Variants in PRKN observed in about 807,000 individuals in gnomAD.
PRKN encodes the protein E3 ubiquitin-protein ligase parkin.
A neutral mutation model predicts 59.5 loss-of-function variants in PRKN; 56 were observed. The observed-to-expected ratio is 0.94, with a 90% CI of 0.76 to 1.18. The LOEUF (loss-of-function observed/expected upper bound fraction) is 1.18, where lower values mean the gene tolerates loss of function less well. Among genes scored for constraint, PRKN ranks in the 50% most tolerant of loss-of-function variants. The pLI, the probability that PRKN is intolerant of heterozygous loss-of-function variation, is 0.00. For synonymous variants in PRKN, 250 were observed against 222.1 expected, an observed-to-expected ratio of 1.13 and a Z score of -1.12; for missense variants, 657 against 596.4, an observed-to-expected ratio of 1.10 and a Z score of -1.06.
At chr6:162,680,406 T>C (rs187848661) in intron 1 of PRKN, among the ~76,000 whole-genome samples, 8 of 151,454 alleles carry the variant, frequency 5.3e-5, no homozygotes, top group East Asian at 1.9e-4. Context: ...TATATATATG[T>C]ACACACATAC....
chr6:161,482,561 T>C (rs1185089979), intron 9 of PRKN, among the ~76,000 whole-genome samples: 1 of 152,206 alleles, frequency 6.6e-6, no homozygotes, highest in Non-Finnish European at 1.5e-5. Context: ...CTCTACATAA[T>C]TTGGAATGTT....
chr6:161,956,529 G>A (rs550151520), intron 6 of PRKN, among the ~76,000 whole-genome samples: 1 of 151,982 alleles, frequency 6.6e-6, no homozygotes, highest in African/African-American at 2.4e-5. Context: ...GCATTCCACT[G>A]TATTTATGGA....
intron 4 of PRKN, among the ~76,000 whole-genome samples, chr6:162,139,043 C>A (rs566162500): frequency 6.6e-6 from 1 of 152,148 alleles, no homozygotes; most frequent in Admixed American, 6.5e-5. Flanking sequence ...AAGACATGAT[C>A]GATGCCTTCA....
intron 4 of PRKN, among the ~76,000 whole-genome samples, chr6:162,127,130 T>C (rs1174333021): frequency 6.6e-6 from 1 of 152,230 alleles, no homozygotes; most frequent in East Asian, 1.9e-4. Context: ...TCAAGAAATA[T>C]ATTGAAATAA....
At chr6:162,312,022 T>C (rs769458974) in intron 2 of PRKN, among the ~76,000 whole-genome samples, 3 of 152,044 alleles carry the variant, frequency 2.0e-5, no homozygotes, top group Non-Finnish European at 4.4e-5. Flanking sequence ...CATGCATATA[T>C]GTGTGTGTTT....
chr6:161,589,128 C>T (rs920322104), intron 7 of PRKN, among the ~76,000 whole-genome samples: 8 of 152,194 alleles, frequency 5.3e-5, no homozygotes, highest in African/African-American at 1.4e-4. Flanking sequence ...ACATAGTATA[C>T]GGCATGCCGT....
intron 1 of PRKN, among the ~76,000 whole-genome samples, chr6:162,483,381 C>A (rs1792390916): frequency 6.6e-6 from 1 of 151,924 alleles, no homozygotes; most frequent in Non-Finnish European, 1.5e-5. Flanking sequence ...TAGAACTGTG[C>A]ACCAAAAAAG....
chr6:161,832,931 G>A (rs1201434229), intron 6 of PRKN, among the ~76,000 whole-genome samples: 2 of 152,002 alleles, frequency 1.3e-5, no homozygotes, highest in South Asian at 2.1e-4. Context: ...CTGGCTGAGG[G>A]TGGGAGGTGA....
At chr6:162,378,400 CA>C (rs1786239424) in intron 2 of PRKN, among the ~76,000 whole-genome samples, 1 of 152,230 alleles carries the variant, frequency 6.6e-6, no homozygotes, top group South Asian at 2.1e-4. Context: ...CAGCGGCTAC[CA>C]AAAGTACAGT....
chr6:161,527,494 G>A lies in PRKN; in HGVS notation c.1083+21360C>T, dbSNP rs1233000649. The stretch of plus-strand genomic sequence containing the variant: ...GATGCTATGCCCACATGAGGGAGGG[G>A]TGCCTTCTAATTCACAGCAAGATGC... On this transcript the variant is annotated intron_variant, in intron 9 of 11. Coordinates refer to ENST00000366898, the MANE Select transcript of PRKN (RefSeq NM_004562.3). The surrounding 1 kb of genome is among the most constrained non-coding windows in gnomAD (Gnocchi z 4.6). 1.3e-5 allele frequency among the ~76,000 whole-genome samples: 2 copies of A among 152,190 alleles called. No homozygotes were observed. The highest frequency in any genetic ancestry group is 3.9e-4 in the East Asian group (2 of 5,182).
At chr6:162,326,221 TTAAA>T (rs1322565197) in intron 2 of PRKN, among the ~76,000 whole-genome samples, 26 of 152,240 alleles carry the variant, frequency 1.7e-4, no homozygotes, top group African/African-American at 6.0e-4. Context: ...AGAAGACAAA[TTAAA>T]TACACGAATC....
chr6:162,643,126 G>A (rs1049164662), intron 1 of PRKN, among the ~76,000 whole-genome samples: 2 of 152,058 alleles, frequency 1.3e-5, no homozygotes, highest in Non-Finnish European at 2.9e-5. Flanking sequence ...AGCCGGGCGC[G>A]GTGGCTGGCG....
At chr6:162,604,168 C>T (rs1409488090) in intron 1 of PRKN, among the ~76,000 whole-genome samples, 1 of 152,174 alleles carries the variant, frequency 6.6e-6, no homozygotes, top group Admixed American at 6.5e-5. Context: ...TCATGTACTC[C>T]TTGTACATGG....
intron 2 of PRKN, among the ~76,000 whole-genome samples, chr6:162,381,325 A>G (rs1015560197): frequency 1.6e-4 from 25 of 152,160 alleles, no homozygotes; most frequent in Admixed American, 1.4e-3. Context: ...CCCTTTCAGT[A>G]ATGTAAAAAA....
chr6:161,777,906 A>ACG lies in PRKN; in HGVS notation c.871+7865_871+7866insCG, dbSNP rs34016345. ...TATGTATATATATGTATACATATATATGTGTATATATATGTATGTATATCT... is the reference window on the plus strand; with the variant it reads ...TATGTATATATATGTATACATATATACGTGTGTATATATATGTATGTATATCT... On this transcript the variant is annotated intron_variant, in intron 7 of 11. Coordinates refer to ENST00000366898, the MANE Select transcript of PRKN (RefSeq NM_004562.3). 9.6e-3 allele frequency among the ~76,000 whole-genome samples: 1,391 copies of ACG among 144,458 alleles called. 23 individuals are homozygous for ACG. Among genetic ancestry groups the ACG allele is most frequent in the Middle Eastern group, 0.048 (13 of 272 alleles). 94.8% of individuals were successfully genotyped at this position (144,458 alleles called of 152,430 possible). A position where few individuals can be genotyped will look rare whatever the true frequency, so the allele number is the denominator to read the frequency against.
intron 2 of PRKN, among the ~76,000 whole-genome samples, chr6:162,416,029 C>G (rs553929459): frequency 6.6e-6 from 1 of 152,208 alleles, no homozygotes; most frequent in Non-Finnish European, 1.5e-5. Flanking sequence ...TTAAATCAGG[C>G]ATGCCATCTC....
At position 162,158,415 on chromosome 6, in the gene PRKN, C is replaced by CTTGTG. The variant is rs10673194; in HGVS notation, c.534+42715_534+42716insCACAA. Among the ~76,000 whole-genome samples, 940 of 136,964 alleles carry CTTGTG rather than the reference C, an allele frequency of 6.9e-3. 3 individuals carry two copies. Among genetic ancestry groups the CTTGTG allele is most frequent in the Middle Eastern group, 0.023 (6 of 266 alleles). The allele number at this position is 136,964 out of a possible 152,430, so 89.9% of individuals were successfully genotyped here. On this transcript the variant is annotated intron_variant, in intron 4 of 11. Coordinates refer to ENST00000366898, the MANE Select transcript of PRKN (RefSeq NM_004562.3). ...CCAAAGCTTTTTGTTTGTTTGTTTG[C>CTTGTG]GTTTTTTTTTTTTTTTTTCTTTTGG...
intron 2 of PRKN, among the ~76,000 whole-genome samples, chr6:162,376,730 G>A (rs1371760514): frequency 7.0e-6 from 1 of 142,532 alleles, no homozygotes; most frequent in Non-Finnish European, 1.5e-5. Context: ...AAGGGGAGAG[G>A]GAGGGAGTGG....
At chr6:162,369,999 G>A (rs1267445533) in intron 2 of PRKN, among the ~76,000 whole-genome samples, 1 of 152,164 alleles carries the variant, frequency 6.6e-6, no homozygotes, top group African/African-American at 2.4e-5. Context: ...TCAAGAATGA[G>A]TACACATGGC....
Sources: allele counts gnomAD v4.1 joint callset (sites outside exome capture counted in the v4.1 genomes callset), GRCh38; gene constraint gnomAD v4.1.1; non-coding constraint Gnocchi (gnomAD v3.1); transcripts MANE v1.5; gene names NCBI Gene and HGNC (gene_info 2026-07-23, HGNC 2026-07-21).